Variants in TANC2 observed in about 807,000 individuals in gnomAD.
TANC2 encodes tetratricopeptide repeat, ankyrin repeat and coiled-coil containing 2, also known as protein TANC2.
TANC2 carries 26 observed loss-of-function variants against 210.5 expected under a neutral mutation model. The ratio of observed to expected loss-of-function variants is 0.12; its 90% CI spans 0.09 to 0.17. The LOEUF is 0.17. TANC2 is among the 10% of genes least tolerant of loss of function. The pLI, the probability that TANC2 is intolerant of heterozygous loss-of-function variation, is 1.00. For synonymous variants in TANC2, 931 were observed against 967.1 expected (o/e 0.96, Z 0.69); for missense variants, 2,129 against 2,608.9 (o/e 0.82, Z 4.01).
chr17:63,127,919 A>C (rs2038770287), intron 4 of TANC2, among the ~76,000 whole-genome samples: 2 of 152,196 alleles, frequency 1.3e-5, no homozygotes, highest in Admixed American at 1.3e-4. Context: ...GACTGTTGTC[A>C]GGACAAGATG....
At chr17:63,127,055 G>A (rs949436645) in intron 4 of TANC2, among the ~76,000 whole-genome samples, 13 of 152,144 alleles carry the variant, frequency 8.5e-5, no homozygotes, top group African/African-American at 3.1e-4. Flanking sequence ...TCATTTTTAA[G>A]TACCAAAAAA....
intron 4 of TANC2, chr17:63,150,364 A>G (rs1002949797): frequency 2.0e-5 from 3 of 152,174 alleles, no homozygotes; most frequent in African/African-American, 4.8e-5. Context: ...AGCAATCCTC[A>G]TATTTTAACT....
intron 9 of TANC2, among the ~76,000 whole-genome samples, chr17:63,285,675 C>G (rs760141012): frequency 3.3e-5 from 5 of 152,130 alleles, no homozygotes; most frequent in Non-Finnish European, 7.4e-5. Context: ...CCAGTTAAGT[C>G]ACACAACATA....
At chr17:63,340,222 T>A (rs1271505862) in exon 12 of TANC2, 1 of 1,613,938 alleles carries the variant, frequency 6.2e-7, no homozygotes. Context: ...CGGGAGCAGC[T>A]TCTTCGGGAA....
At chr17:63,413,818 G>T (rs1296543301) in intron 25 of TANC2, among the ~76,000 whole-genome samples, 184 bp downstream of exon 25, 2 of 152,162 alleles carry the variant, frequency 1.3e-5, no homozygotes, top group African/African-American at 4.8e-5. Context: ...AGCAAGAGTA[G>T]CCTATAGTTG....
At chr17:63,016,178 T>G (rs2034098825) in intron 2 of TANC2, among the ~76,000 whole-genome samples, 1 of 152,206 alleles carries the variant, frequency 6.6e-6, no homozygotes, top group Admixed American at 6.5e-5. Context: ...AATACAAAGA[T>G]TTTTGTACAT....
At chr17:63,205,282 G>C (rs2041664244) in intron 7 of TANC2, among the ~76,000 whole-genome samples, 1 of 106,008 alleles carries the variant, frequency 9.4e-6, no homozygotes, top group South Asian at 3.4e-4. Flanking sequence ...AATTAAAATG[G>C]ATTAAAGACC....
At position 63,223,117 on chromosome 17, in the gene TANC2, T is replaced by C. The variant is rs529351900; in HGVS notation, c.770-14697T>C. Reference sequence around the variant, plus strand: ...GACAAAATGCAGACTAGTGGTTGATTTGAGGGGGTGGGCATGATAGTAACT... The same window carrying C: ...GACAAAATGCAGACTAGTGGTTGATCTGAGGGGGTGGGCATGATAGTAACT... On this transcript the variant is annotated intron_variant, in intron 7 of 27. Coordinates refer to ENST00000689528, the Ensembl canonical transcript of TANC2. 2.0e-5 allele frequency among the ~76,000 whole-genome samples: 3 copies of C among 152,244 alleles called. No individual in the cohort carries two copies. In the South Asian group the frequency reaches 6.2e-4, roughly 32 times the overall value.
chr17:63,207,985 A>G (rs1211436127), intron 7 of TANC2, among the ~76,000 whole-genome samples: 1 of 152,196 alleles, frequency 6.6e-6, no homozygotes, highest in Non-Finnish European at 1.5e-5. Context: ...ATGAGGTTAA[A>G]CAATCTTTTC....
intron 15 of TANC2, among the ~76,000 whole-genome samples, chr17:63,382,559 T>C (rs1179137762): frequency 3.3e-5 from 5 of 152,252 alleles, no homozygotes; most frequent in Non-Finnish European, 5.9e-5. Flanking sequence ...TGTAATCAAA[T>C]ATTATCTACC....
chr17:63,266,491 T>C (rs2043532108), intron 8 of TANC2, among the ~76,000 whole-genome samples: 2 of 152,206 alleles, frequency 1.3e-5, no homozygotes, highest in Non-Finnish European at 2.9e-5. Context: ...CTTACTGTCA[T>C]AATTCTTGTT....
chr17:62,998,383 G>GAGAGGGA (rs1336827679), intron 1 of TANC2, among the ~76,000 whole-genome samples: 1 of 152,136 alleles, frequency 6.6e-6, no homozygotes, highest in Non-Finnish European at 1.5e-5. Context: ...GACCTCACTA[G>GAGAGGGA]AGAGGGCAAC....
At chr17:63,378,591 C>T (rs2047501533) in intron 14 of TANC2, among the ~76,000 whole-genome samples, 1 of 152,196 alleles carries the variant, frequency 6.6e-6, no homozygotes, top group South Asian at 2.1e-4. Context: ...TAAGGCAGTT[C>T]TGGACATCAT....
At chr17:63,033,034 G>A (rs998022023) in intron 2 of TANC2, among the ~76,000 whole-genome samples, 7 of 152,098 alleles carry the variant, frequency 4.6e-5, no homozygotes, top group African/African-American at 1.7e-4. Context: ...TATTATAAAG[G>A]ATATTACAGA....
intron 7 of TANC2, among the ~76,000 whole-genome samples, chr17:63,212,431 C>T (rs960702532): frequency 6.6e-6 from 1 of 151,974 alleles, no homozygotes; most frequent in Non-Finnish European, 1.5e-5. Context: ...TATGTTCATT[C>T]AAGCAGAAGG....
At chr17:63,007,493 T>G (rs2033673559) in intron 1 of TANC2, among the ~76,000 whole-genome samples, 1 of 152,226 alleles carries the variant, frequency 6.6e-6, no homozygotes, top group African/African-American at 2.4e-5. Flanking sequence ...CCTTACTATT[T>G]GTCTTACATT....
intron 2 of TANC2, among the ~76,000 whole-genome samples, chr17:63,059,158 G>C (rs925455505): frequency 2.0e-5 from 3 of 152,184 alleles, no homozygotes; most frequent in African/African-American, 7.2e-5. Flanking sequence ...TCTGTTAAGA[G>C]ATCTGGGTCA....
At chr17:63,062,135 TTC>T (rs1188984407) in intron 2 of TANC2, among the ~76,000 whole-genome samples, 2 of 152,300 alleles carry the variant, frequency 1.3e-5, no homozygotes, top group East Asian at 1.9e-4. Context: ...ATGCTTTTTA[TTC>T]TCTTTCTTTC....
At chr17:63,165,744 C>T (rs376694238) in intron 5 of TANC2, among the ~76,000 whole-genome samples, 1 of 152,174 alleles carries the variant, frequency 6.6e-6, no homozygotes, top group Non-Finnish European at 1.5e-5. Flanking sequence ...TGTATCAATG[C>T]CTTTCTTTCC....
Sources: allele counts gnomAD v4.1 joint callset (sites outside exome capture counted in the v4.1 genomes callset), GRCh38; gene constraint gnomAD v4.1.1; transcripts MANE v1.5; gene names NCBI Gene and HGNC (gene_info 2026-07-23, HGNC 2026-07-21).